The following LRIG2 variants were observed in gnomAD, a reference collection of about 807,000 sequenced individuals.
LRIG2 encodes leucine-rich repeats and immunoglobulin-like domains protein 2.
In LRIG2, 93 loss-of-function variants were observed where a neutral mutation model predicts 107.8. That is an observed-to-expected ratio of 0.86 (90% CI 0.73 to 1.03). The LOEUF is 1.03. Ranked by LOEUF, LRIG2 falls within the 50% of genes least tolerant of loss-of-function variation. LRIG2 has a pLI of 0.00. For missense variants in LRIG2, 1,226 were observed against 1,296.0 expected (o/e 0.95, Z 0.83); for synonymous variants, 471 against 470.6 (o/e 1.00, Z -0.01).
Position 113,109,587 on chromosome 1 carries a change from G to A in LRIG2, c.1478-655G>A, listed in dbSNP as rs191546422. 2.1e-3 allele frequency among the ~76,000 whole-genome samples: 325 copies of A among 152,168 alleles called. 1 individual carries two copies. The highest frequency in any genetic ancestry group is 6.8e-3 in the Middle Eastern group (2 of 292). On this transcript the variant is annotated intron_variant, in intron 12 of 17. Coordinates refer to ENST00000361127, the MANE Select transcript of LRIG2 (RefSeq NM_014813.3). ...GGCTGGAGTGAAGTGGCGTGATCTC[G>A]GCTCACTAGCCACCTCTACCCCCCG...
At position 113,093,434 on chromosome 1, in the gene LRIG2, C is replaced by G. The variant is rs755253807; in HGVS notation, c.385C>G (p.His129Asp). The part of the protein sequence containing the change: ...TSNITLLSLV[H>D]NIIPEINAQA... ...ATTATAATCTTTGTTTTACAGAGTC[C>G]ATAATATAATCCCAGAAATAAATGC... Residue 129 changes from histidine (H) to aspartate (D), a missense_variant, in exon 4 of 18, where the codon CAT (histidine) becomes GAT (aspartate). His to Asp is a moderately conservative substitution (Grantham distance 81, BLOSUM62 -1). Around this residue, in one of 3 missense-constraint regions of LRIG2, gnomAD observed 570 missense variants for 550.2 expected, o/e 1.04. Coordinates refer to ENST00000361127, the MANE Select transcript of LRIG2 (RefSeq NM_014813.3). 1 of 1,613,728 alleles carries G rather than the reference C, an allele frequency of 6.2e-7. No individual in the cohort carries two copies. Among genetic ancestry groups the G allele is most frequent in the African/African-American group, 1.3e-5 (1 of 74,950 alleles).
In LRIG2 at chr1:113,073,539, G is replaced by A; in HGVS notation, c.133G>A (p.Ala45Thr). The A allele has an allele frequency of 6.2e-7, 1 of 1,614,018 alleles. No homozygotes were observed. The highest frequency in any genetic ancestry group is 8.5e-7 in the Non-Finnish European group (1 of 1,179,930). Residue 45 changes from alanine to threonine, a missense_variant, in exon 1 of 18, where the codon GCG becomes ACG. Ala to Thr is a moderately conservative substitution (Grantham distance 58). Around this residue, in one of 3 missense-constraint regions of LRIG2, gnomAD observed 570 missense variants for 550.2 expected, o/e 1.04. Transcript: ENST00000361127. ...LPAAGAGLCP[A>T]PCSCRIPLLD... The stretch of plus-strand genomic sequence containing the variant: ...CGCCGCCGGAGCAGGTCTCTGCCCC[G>A]CGCCCTGCTCCTGCCGCATTCCTCT...
At chr1:113,114,331 C>A in intron 14 of LRIG2, 96 bp from the exon 15 acceptor site, 3 of 698,190 alleles carry the variant, frequency 4.3e-6, no homozygotes, top group Non-Finnish European at 7.1e-6. Flanking sequence ...TAAAATTACT[C>A]ATTTTATTAT....
chr1:113,097,172 T>C (rs1420738313), intron 8 of LRIG2, among the ~76,000 whole-genome samples: 1 of 150,550 alleles, frequency 6.6e-6, no homozygotes, highest in Admixed American at 6.6e-5. Context: ...TTGTGAACTT[T>C]ATATATTTAT....
At chr1:113,099,236 G>GTTTTT (rs567535044) in intron 9 of LRIG2, among the ~76,000 whole-genome samples, 1 of 16,194 alleles carries the variant, frequency 6.2e-5, no homozygotes, top group Non-Finnish European at 1.5e-4. Flanking sequence ...AACTTGGCTG[G>GTTTTT]TTTTTTTCTT....
At chr1:113,099,187 A>G (rs1570748506) in intron 9 of LRIG2, among the ~76,000 whole-genome samples, 2 of 150,992 alleles carry the variant, frequency 1.3e-5, no homozygotes, top group East Asian at 3.9e-4. Flanking sequence ...TGCCTGCTTC[A>G]GCCTCCCAAA....
chr1:113,097,609 A>G (rs1570746645), intron 8 of LRIG2, among the ~76,000 whole-genome samples: 1 of 152,202 alleles, frequency 6.6e-6, no homozygotes, highest in South Asian at 2.1e-4. Context: ...AGTTGAAGGG[A>G]TGGCAAATAG....
chr1:113,100,371 C>T lies in LRIG2; in HGVS notation c.1245-49C>T, dbSNP rs770208471. ...ATGACCATGTAAAGTGTTTATGTAA[C>T]TTGATATAGAAATGGTGACTGATAA... On this transcript the variant is annotated intron_variant, in intron 10 of 17. Transcript: ENST00000361127. The T allele has an allele frequency of 2.8e-6, 4 of 1,433,956 alleles. No individual in the cohort carries two copies. In the East Asian group the frequency reaches 9.2e-5, roughly 33 times the overall value. 88.8% of individuals were successfully genotyped at this position (1,433,956 alleles called of 1,614,324 possible).
chr1:113,106,905 C>T (rs1389779148), intron 11 of LRIG2, among the ~76,000 whole-genome samples: 2 of 152,138 alleles, frequency 1.3e-5, no homozygotes, highest in Non-Finnish European at 2.9e-5. Context: ...GTAAGTGTTT[C>T]CCCATACTTT....
rs1655419413 is a variant in LRIG2 at position 113,124,847 on chromosome 1, CAATTT to C, written c.*748_*752del. On this transcript the variant is annotated 3_prime_UTR_variant, in exon 18 of 18. Transcript: ENST00000361127. ...CTCAGATCACAGATTTTAAATAACT[CAATTT>C]AGTGAGATCTAAAAATTTTATTTAA... is the stretch of plus-strand genomic sequence containing the variant. 2 of 151,994 alleles carry C rather than the reference CAATTT, an allele frequency of 1.3e-5. No individual in the cohort carries two copies. Among genetic ancestry groups the C allele is most frequent in the Admixed American group, 6.6e-5 (1 of 15,246 alleles). 9.4% of individuals were successfully genotyped at this position (151,994 alleles called of 1,614,324 possible).
At position 113,093,201 on chromosome 1, in the gene LRIG2, C is replaced by A; in HGVS notation, c.306-5C>A. 1 of 1,570,746 alleles carries A rather than the reference C, an allele frequency of 6.4e-7. No individual in the cohort carries two copies. The highest frequency in any genetic ancestry group is 8.7e-7 in the Non-Finnish European group (1 of 1,148,620). ...ACATTTAAATCTGTTTTTCCTCTTG[C>A]CTAGGAAAATGAATTACAATGAACT... is the stretch of plus-strand genomic sequence containing the variant. On this transcript the variant is annotated splice_polypyrimidine_tract_variant and splice_region_variant and intron_variant, in intron 2 of 17. Transcript: ENST00000361127.
At chr1:113,101,593 T>C (rs926174949) in intron 11 of LRIG2, among the ~76,000 whole-genome samples, 1 of 152,234 alleles carries the variant, frequency 6.6e-6, no homozygotes, top group African/African-American at 2.4e-5. Flanking sequence ...AAAGTATTAG[T>C]CTGCAGTGGA....
In LRIG2 at chr1:113,116,177, G is replaced by A. The variant is rs77554082; in HGVS notation, c.2531-110G>A. ...CAAGAGCTGTTGCGGTCCTAGGTAC[G>A]TACAGTTTTTCTTGCTAATAGTATC... On this transcript the variant is annotated intron_variant, in intron 15 of 17. Transcript: ENST00000361127. 53 of 806,734 alleles carry A rather than the reference G, an allele frequency of 6.6e-5. No homozygotes were observed. The East Asian group carries it at 1.2e-3, about 19-fold the overall frequency. The allele number at this position is 806,734 out of a possible 1,614,324, so 50.0% of individuals were successfully genotyped here. A position where few individuals can be genotyped will look rare whatever the true frequency, so the allele number is the denominator to read the frequency against.
At chr1:113,119,611 C>A in intron 17 of LRIG2, 88 bp downstream of exon 17, 1 of 1,296,832 alleles carries the variant, frequency 7.7e-7, no homozygotes, top group Non-Finnish European at 1.1e-6. Context: ...TCTCATTTGA[C>A]AGGAAGCAAG....
intron 15 of LRIG2, 38 bp from the exon 16 acceptor site, chr1:113,116,249 C>G (rs1655002856): frequency 6.3e-7 from 1 of 1,575,194 alleles, no homozygotes; most frequent in African/African-American, 1.4e-5. Context: ...TTGGCTTCAA[C>G]TGCCTACCTT....
intron 1 of LRIG2, among the ~76,000 whole-genome samples, chr1:113,078,513 G>C (rs1031621058): frequency 6.6e-6 from 1 of 151,308 alleles, no homozygotes; most frequent in African/African-American, 2.4e-5. Context: ...ATTTAGTCTT[G>C]ATCCCTTAAA....
chr1:113,088,800 CT>C (rs1392104689), intron 1 of LRIG2, among the ~76,000 whole-genome samples: 1 of 152,190 alleles, frequency 6.6e-6, no homozygotes, highest in African/African-American at 2.4e-5. Context: ...CAAAAAACAT[CT>C]TTTCACTTAT....
Position 113,128,816 on chromosome 1 carries a change from T to C in LRIG2, c.*4715T>C, listed in dbSNP as rs1655585344. On this transcript the variant is annotated 3_prime_UTR_variant, in exon 18 of 18. Transcript: ENST00000361127. Reference sequence around the variant, plus strand: ...GAATATCAGAATGAGTTGACAGGTATACCACAACTAATTTGTAACTAGTTT... The same window carrying C: ...GAATATCAGAATGAGTTGACAGGTACACCACAACTAATTTGTAACTAGTTT... 1 of 152,228 alleles carries C rather than the reference T, an allele frequency of 6.6e-6. No homozygotes were observed. Among genetic ancestry groups the C allele is most frequent in the African/African-American group, 2.4e-5 (1 of 41,456 alleles). 9.4% of individuals were successfully genotyped at this position (152,228 alleles called of 1,614,324 possible).
At chr1:113,085,753 A>G (rs1653519611) in intron 1 of LRIG2, among the ~76,000 whole-genome samples, 1 of 152,208 alleles carries the variant, frequency 6.6e-6, no homozygotes, top group Non-Finnish European at 1.5e-5. Context: ...GCCTATGGCA[A>G]TTGATTAGAA....
Sources: gnomAD v4.1 joint callset for allele counts (sites outside exome capture counted in the v4.1 genomes callset) on GRCh38, gnomAD v4.1.1 for gene constraint, gnomAD v4.1.1 regional missense constraint, MANE v1.5 for transcripts, NCBI Gene and HGNC (gene_info 2026-07-23, HGNC 2026-07-21) for gene names.